Variants in IQCM observed in about 807,000 individuals in gnomAD.
The protein encoded by IQCM is IQ motif containing M.
A neutral mutation model predicts 57.6 loss-of-function variants in IQCM; 45 were observed. The ratio of observed to expected loss-of-function variants is 0.78; its 90% CI spans 0.62 to 1.00. IQCM has a LOEUF of 1.00. IQCM is among the 50% of genes least tolerant of loss of function. The pLI is 0.00. For synonymous variants in IQCM, 148 were observed against 158.9 expected (o/e 0.93, Z 0.51); for missense variants, 468 against 511.6 (o/e 0.91, Z 0.82).
chr4:149,529,126 C>A (rs6821538), intron 12 of IQCM, among the ~76,000 whole-genome samples: 31,641 of 151,988 alleles, frequency 0.21, 3,863 homozygotes, highest in South Asian at 0.47. Context: ...AGCAGTAGCA[C>A]AATCTCAGCT....
chr4:149,627,819 T>C (rs1756941886), intron 7 of IQCM, among the ~76,000 whole-genome samples: 1 of 152,224 alleles, frequency 6.6e-6, no homozygotes. Context: ...GGGATTGTCC[T>C]GGTGGGCACC....
intron 12 of IQCM, among the ~76,000 whole-genome samples, chr4:149,510,162 A>C (rs754872232): frequency 3.9e-4 from 60 of 152,198 alleles, no homozygotes; most frequent in Admixed American, 1.9e-3. Flanking sequence ...CACTCTTTTA[A>C]ATTTTTAACA....
chr4:149,446,489 G>C (rs1191109807), intron 12 of IQCM, among the ~76,000 whole-genome samples: 1 of 151,604 alleles, frequency 6.6e-6, no homozygotes, highest in East Asian at 1.9e-4. Flanking sequence ...GATGCAAAGT[G>C]TCCTTTTTCT....
At chr4:149,439,052 G>A (rs1050681099) in intron 12 of IQCM, among the ~76,000 whole-genome samples, 1 of 151,940 alleles carries the variant, frequency 6.6e-6, no homozygotes, top group Non-Finnish European at 1.5e-5. Context: ...TTCAGGTCAT[G>A]AAAACAGGCA....
intron 9 of IQCM, among the ~76,000 whole-genome samples, chr4:149,576,646 T>C (rs1579554478): frequency 6.6e-6 from 1 of 152,008 alleles, no homozygotes. Context: ...AATCCACCAC[T>C]GATGGACATT....
Position 149,566,738 on chromosome 4 carries a change from C to T in IQCM, c.750-2848G>A, listed in dbSNP as rs185722509. Among the ~76,000 whole-genome samples, 9 of 152,208 alleles carry T rather than the reference C, an allele frequency of 5.9e-5. No individual in the cohort carries two copies. In the East Asian group the frequency reaches 1.5e-3, roughly 26 times the overall value. Reference sequence around the variant, plus strand: ...AAAAGAAATGAATTTTATCTTAGGTCTGAAACAGATGTACTTTGATCAATA... The same window carrying T: ...AAAAGAAATGAATTTTATCTTAGGTTTGAAACAGATGTACTTTGATCAATA... On this transcript the variant is annotated intron_variant, in intron 9 of 13. Transcript: ENST00000636793.
intron 7 of IQCM, among the ~76,000 whole-genome samples, chr4:149,658,851 T>C (rs1053153472): frequency 6.6e-6 from 1 of 152,112 alleles, no homozygotes; most frequent in Non-Finnish European, 1.5e-5. Flanking sequence ...ACTGAATTCA[T>C]TTATTAGTTC....
At chr4:149,640,317 C>T (rs780271271) in intron 7 of IQCM, among the ~76,000 whole-genome samples, 3 of 152,150 alleles carry the variant, frequency 2.0e-5, no homozygotes, top group Non-Finnish European at 4.4e-5. Flanking sequence ...CTATTAGTTA[C>T]TTTAAAATGC....
chr4:149,742,851 A>G (rs1204106224), intron 2 of IQCM, 112 bp from the exon 3 acceptor site: 1 of 429,646 alleles, frequency 2.3e-6, no homozygotes, highest in Admixed American at 4.4e-5. Context: ...TTTATATGTC[A>G]TTTCTGTGCT....
At chr4:149,420,540 T>G (rs1053865135) in intron 13 of IQCM, among the ~76,000 whole-genome samples, 1 of 151,952 alleles carries the variant, frequency 6.6e-6, no homozygotes, top group Non-Finnish European at 1.5e-5. Context: ...GCTTAATACC[T>G]AGGTGATGGG....
At chr4:149,713,255 A>AC (rs1240841135) in intron 5 of IQCM, among the ~76,000 whole-genome samples, 2 of 151,522 alleles carry the variant, frequency 1.3e-5, no homozygotes, top group African/African-American at 4.9e-5. Context: ...CCACCTTTTT[A>AC]CCCTCCCTTG....
chr4:149,588,255 T>C (rs1752818849), intron 8 of IQCM, among the ~76,000 whole-genome samples: 1 of 151,868 alleles, frequency 6.6e-6, no homozygotes, highest in South Asian at 2.1e-4. Flanking sequence ...AACTATATTA[T>C]AGATCAGAAT....
chr4:149,466,411 G>A (rs1004386033), intron 12 of IQCM, among the ~76,000 whole-genome samples: 2 of 152,110 alleles, frequency 1.3e-5, no homozygotes, highest in East Asian at 3.9e-4. Flanking sequence ...TCTTTTGCAT[G>A]GGTCAAGCCA....
chr4:149,457,594 A>T (rs1053767322), intron 12 of IQCM, among the ~76,000 whole-genome samples: 1 of 152,012 alleles, frequency 6.6e-6, no homozygotes, highest in African/African-American at 2.4e-5. Flanking sequence ...CTAGCCTAAG[A>T]AAAGAAAAAA....
chr4:149,574,883 T>C (rs970295806), intron 9 of IQCM, among the ~76,000 whole-genome samples: 2 of 151,936 alleles, frequency 1.3e-5, no homozygotes, highest in Non-Finnish European at 2.9e-5. Context: ...CTTCTTAAGC[T>C]GCAAATATGT....
At chr4:149,541,727 G>A (rs571524549) in intron 12 of IQCM, among the ~76,000 whole-genome samples, 69 of 151,788 alleles carry the variant, frequency 4.5e-4, no homozygotes, top group African/African-American at 1.6e-3. Context: ...CATGTCCTCA[G>A]TCACAAATTT....
chr4:149,475,013 C>T (rs535895160), intron 12 of IQCM, among the ~76,000 whole-genome samples: 1 of 152,242 alleles, frequency 6.6e-6, no homozygotes, highest in South Asian at 2.1e-4. Context: ...GATCCTTACT[C>T]AGCTGAATGA....
chr4:149,662,177 C>T (rs1437656707), intron 7 of IQCM, among the ~76,000 whole-genome samples: 1 of 151,872 alleles, frequency 6.6e-6, no homozygotes, highest in Admixed American at 6.6e-5. Context: ...TTTATATTTC[C>T]CTTTTAATTT....
intron 5 of IQCM, among the ~76,000 whole-genome samples, 178 bp from the exon 6 acceptor site, chr4:149,686,646 C>A (rs1457263298): frequency 6.6e-6 from 1 of 151,558 alleles, no homozygotes; most frequent in Non-Finnish European, 1.5e-5. Context: ...CCATGCTACT[C>A]AGATGCTTTG....
Sources: gnomAD v4.1 joint callset for allele counts (sites outside exome capture counted in the v4.1 genomes callset) on GRCh38, gnomAD v4.1.1 for gene constraint, MANE v1.5 for transcripts, NCBI Gene and HGNC (gene_info 2026-07-23, HGNC 2026-07-21) for gene names.